The following MYO15A variants were observed in gnomAD, a reference collection of about 807,000 sequenced individuals.
The protein encoded by MYO15A is unconventional myosin-XV.
A neutral mutation model predicts 394.6 loss-of-function variants in MYO15A; 308 were observed. The ratio of observed to expected loss-of-function variants is 0.78; its 90% CI spans 0.71 to 0.86. MYO15A has a LOEUF of 0.86. MYO15A is among the 40% of genes least tolerant of loss of function. The pLI is 0.00. For synonymous variants in MYO15A, 1,957 were observed against 2,003.8 expected, an observed-to-expected ratio of 0.98 and a Z score of 0.62; for missense variants, 4,606 against 4,799.1, an observed-to-expected ratio of 0.96 and a Z score of 1.19.
At chr17:18,122,435 G>A (rs748571619) in intron 2 of MYO15A, 26 bp downstream of exon 2, 1 of 1,604,096 alleles carries the variant, frequency 6.2e-7, no homozygotes, top group Non-Finnish European at 8.5e-7. Flanking sequence ...TTACACGGAG[G>A]GTTTGAGGGT....
chr17:18,134,513 C>A (rs968366555), intron 12 of MYO15A, among the ~76,000 whole-genome samples: 4 of 152,152 alleles, frequency 2.6e-5, no homozygotes, highest in African/African-American at 9.7e-5. Flanking sequence ...AAATTTATCC[C>A]AGTAAGGTGT....
chr17:18,136,310 T>C, intron 13 of MYO15A, 107 bp from the exon 14 acceptor site: 1 of 1,367,044 alleles, frequency 7.3e-7, no homozygotes. Flanking sequence ...AGTCACAACA[T>C]CCCTCCAGCC....
At chr17:18,140,445 G>C (rs1486708023) in intron 19 of MYO15A, 72 bp from the exon 20 acceptor site, 1 of 1,601,000 alleles carries the variant, frequency 6.2e-7, no homozygotes, top group Non-Finnish European at 8.5e-7. Context: ...ATTTACTCCT[G>C]CTCTCTCTTC....
rs1164774909 is a variant in MYO15A, at chr17:18,132,121, G to A, written c.4207-332G>A. Among the ~76,000 whole-genome samples, 1 of 152,212 alleles carries A rather than the reference G, an allele frequency of 6.6e-6. No individual in the cohort carries two copies. The highest frequency in any genetic ancestry group is 6.5e-5 in the Admixed American group (1 of 15,276). On this transcript the variant is annotated intron_variant, in intron 10 of 65. Coordinates refer to ENST00000647165, the MANE Select transcript of MYO15A (RefSeq NM_016239.4). The surrounding 1 kb of genome is among the most constrained non-coding windows in gnomAD (Gnocchi z 4.6). ...GTGCTCAGCCATCAAGAAGCTCTGTGTGTGCACATGTGGGCTATGGACACA... is the reference window on the plus strand; with the variant it reads ...GTGCTCAGCCATCAAGAAGCTCTGTATGTGCACATGTGGGCTATGGACACA...
rs776320800 is a variant in MYO15A, at chr17:18,154,155, A to C, written c.8113A>C (p.Ser2705Arg). Residue 2705 changes from serine to arginine, a missense_variant, in exon 44 of 66, where the codon AGC (serine) becomes CGC (arginine). Coordinates refer to ENST00000647165, the MANE Select transcript of MYO15A (RefSeq NM_016239.4). ...KEVFYPKDSY[S>R]HPVQLDLLFR... Reference sequence around the variant, plus strand: ...GGTGTTTTACCCCAAGGACAGCTACAGCCATCCTGTGCAGCTTGACCTCCT... The same window carrying C: ...GGTGTTTTACCCCAAGGACAGCTACCGCCATCCTGTGCAGCTTGACCTCCT... 5.0e-6 allele frequency: 8 copies of C among 1,613,968 alleles called. No homozygotes were observed. Among genetic ancestry groups the C allele is most frequent in the Non-Finnish European group, 6.8e-6 (8 of 1,180,044 alleles).
At position 18,122,495 on chromosome 17, in the gene MYO15A, A is replaced by G. The variant is rs542489142; in HGVS notation, c.3609+86A>G. ...GAGACAGCCTGAGGAGCCCTGTGCAACCTTGGAGAGAGGCTGCTTGCTGGG... is the reference window on the plus strand; with the variant it reads ...GAGACAGCCTGAGGAGCCCTGTGCAGCCTTGGAGAGAGGCTGCTTGCTGGG... On this transcript the variant is annotated intron_variant, in intron 2 of 65. Coordinates refer to ENST00000647165, the MANE Select transcript of MYO15A (RefSeq NM_016239.4). 1.1e-5 allele frequency: 17 copies of G among 1,512,662 alleles called. No homozygotes were observed. In the East Asian group the frequency reaches 3.7e-4, roughly 33 times the overall value. The allele number at this position is 1,512,662 out of a possible 1,614,324, so 93.7% of individuals were successfully genotyped here.
In MYO15A at chr17:18,149,812, G is replaced by GCACC. The variant is rs2046546886; in HGVS notation, c.7212+232_7212+233insCACC. 10 of 595,416 alleles carry GCACC rather than the reference G, an allele frequency of 1.7e-5. No individual in the cohort carries two copies. The South Asian group carries it at 1.8e-4, about 11-fold the overall frequency. 36.9% of individuals were successfully genotyped at this position (595,416 alleles called of 1,614,324 possible). ...CAGTTAGAAGTGCACCTCTAGCAAG[G>GCACC]TGTGGTGGCATGCCTCTGTAGTCCC... is the stretch of plus-strand genomic sequence containing the variant. On this transcript the variant is annotated intron_variant, in intron 35 of 65. Transcript: ENST00000647165.
chr17:18,132,377 C>T lies in MYO15A; in HGVS notation c.4207-76C>T, dbSNP rs1056517952. ...GTGTGCATGTGCACTTGTGGGCAGG[C>T]TTGGGCTTGTATGTGTGCCTGGGGG... On this transcript the variant is annotated intron_variant, in intron 10 of 65. Coordinates refer to ENST00000647165, the MANE Select transcript of MYO15A (RefSeq NM_016239.4). This position sits in a 1 kb window ranked among gnomAD's most constrained non-coding sequence, Gnocchi z 4.6. 1.5e-5 allele frequency: 18 copies of T among 1,172,382 alleles called. No homozygotes were observed. The highest frequency in any genetic ancestry group is 4.9e-5 in the South Asian group (4 of 81,598). The allele number at this position is 1,172,382 out of a possible 1,614,324, so 72.6% of individuals were successfully genotyped here.
chr17:18,139,408 C>G, intron 18 of MYO15A, 126 bp from the exon 19 acceptor site: 1 of 1,153,328 alleles, frequency 8.7e-7, no homozygotes, highest in Non-Finnish European at 1.3e-6. Flanking sequence ...TCCCCTCCCC[C>G]AGGAGTAGGG....
Position 18,142,065 on chromosome 17 carries a change from C to T in MYO15A, c.5650-14C>T. ...TGGCTCCTATCTGCCTCAGTGCCTT[C>T]CTCCTGTCCTTAGCTGTTCCTTAAG... is the stretch of plus-strand genomic sequence containing the variant. On this transcript the variant is annotated splice_polypyrimidine_tract_variant and intron_variant, in intron 23 of 65. Transcript: ENST00000647165. 1.2e-6 allele frequency: 2 copies of T among 1,611,706 alleles called. No individual in the cohort carries two copies. The highest frequency in any genetic ancestry group is 1.7e-6 in the Non-Finnish European group (2 of 1,179,990).
rs2046344662 is a variant in MYO15A at position 18,139,694 on chromosome 17, C to T, written c.5211+83C>T. ...CCCAGCCTGCCTTCAGGCCTGGGAC[C>T]GTGTTGCCACGTCCTGGCTCCGCTT... On this transcript the variant is annotated intron_variant, in intron 19 of 65. Transcript: ENST00000647165. 6 of 1,471,528 alleles carry T rather than the reference C, an allele frequency of 4.1e-6. No homozygotes were observed. The South Asian group carries it at 5.8e-5, about 14-fold the overall frequency. 91.2% of individuals were successfully genotyped at this position (1,471,528 alleles called of 1,614,324 possible).
At chr17:18,145,777 C>CACATGGGAGGG (rs2046466960) in intron 29 of MYO15A, 95 bp from the exon 30 acceptor site, 2 of 1,045,150 alleles carry the variant, frequency 1.9e-6, no homozygotes, top group African/African-American at 3.1e-5. Context: ...GGCAGGGGCA[C>CACATGGGAGGG]ACATGGGAGG....
chr17:18,156,890 G>T, intron 48 of MYO15A, 64 bp from the exon 49 acceptor site: 1 of 1,391,328 alleles, frequency 7.2e-7, no homozygotes, highest in Non-Finnish European at 1.0e-6. Context: ...AGCAGGGGTG[G>T]CCCTAGGCCT....
rs753634738 is a variant in MYO15A at position 18,163,748 on chromosome 17, C to CTG, written c.9698_9699dup (p.Asp3234TrpfsTer13). Reference sequence around the variant, plus strand: ...TCTTCCGCCCCACCCCCAGGTGGCCCTGGACGTGGTGGAAGAGATATGTGC... The same window carrying CTG: ...TCTTCCGCCCCACCCCCAGGTGGCCCTGTGGACGTGGTGGAAGAGATATGTGC... On this transcript the variant is annotated frameshift_variant, in exon 60 of 66. Transcript: ENST00000647165. LOFTEE classifies it high-confidence loss of function. 6.2e-7 allele frequency: 1 copy of CTG among 1,613,092 alleles called. No individual in the cohort carries two copies. Among genetic ancestry groups the CTG allele is most frequent in the Non-Finnish European group, 8.5e-7 (1 of 1,179,510 alleles).
chr17:18,109,777 G>A (rs2045699901), intron 1 of MYO15A: 1 of 152,206 alleles, frequency 6.6e-6, no homozygotes, highest in South Asian at 2.1e-4. Flanking sequence ...GGGTAGTATG[G>A]CCTGCAGCTT....
At position 18,163,250 on chromosome 17, in the gene MYO15A, C is replaced by T. The variant is rs1387363252; in HGVS notation, c.9619C>T (p.Arg3207Cys). 4.3e-6 allele frequency: 7 copies of T among 1,614,138 alleles called. No individual in the cohort carries two copies. Among genetic ancestry groups the T allele is most frequent in the Admixed American group, 3.3e-5 (2 of 60,026 alleles). Residue 3207 changes from arginine (R) to cysteine (C), a missense_variant, in exon 59 of 66, where the codon CGC (arginine) becomes TGC (cysteine). This residue lies in a region of MYO15A where 2,776 missense variants were observed against 3,109.3 expected (regional missense o/e 0.89). Transcript: ENST00000647165. ...SIELRAMLAG[R>C]SSKRQLFLLP... ...TCCCACCTATCTACCCCAGGCAGGC[C>T]GCAGTTCCAAGAGGCAACTCTTTCT... is the stretch of plus-strand genomic sequence containing the variant.
chr17:18,155,710 G>A (rs74592842), intron 47 of MYO15A, among the ~76,000 whole-genome samples: 2 of 152,194 alleles, frequency 1.3e-5, no homozygotes, highest in Non-Finnish European at 2.9e-5. Context: ...AGGGGCAGCT[G>A]TGCTGGAAAT....
intron 7 of MYO15A, among the ~76,000 whole-genome samples, chr17:18,130,283 C>T (rs780372013): frequency 7.9e-5 from 12 of 152,168 alleles, no homozygotes; most frequent in Admixed American, 2.6e-4. Context: ...ACAGTAGATC[C>T]GTGCCTGTAG....
At chr17:18,173,523 G>T (rs998180833) in intron 64 of MYO15A, 1 of 524,118 alleles carries the variant, frequency 1.9e-6, no homozygotes, top group African/African-American at 1.9e-5. Flanking sequence ...CAAGCACTTA[G>T]AGCACTTAGA....
Sources: allele counts gnomAD v4.1 joint callset (sites outside exome capture counted in the v4.1 genomes callset), GRCh38; gene constraint gnomAD v4.1.1; regional missense constraint gnomAD v4.1.1; non-coding constraint Gnocchi (gnomAD v3.1); transcripts MANE v1.5; gene names NCBI Gene and HGNC (gene_info 2026-07-23, HGNC 2026-07-21).